IFRD1: variants seen among roughly 807,000 people sequenced by gnomAD.
The protein encoded by IFRD1 is interferon-related developmental regulator 1.
A neutral mutation model predicts 52.9 loss-of-function variants in IFRD1; 35 were observed. That is an observed-to-expected ratio of 0.66 (90% CI 0.51 to 0.88). The LOEUF is 0.88. IFRD1 is among the 40% of genes least tolerant of loss of function. IFRD1 has a pLI of 0.00. For missense variants in IFRD1, 517 were observed against 550.8 expected (o/e 0.94, Z 0.61); for synonymous variants, 184 against 188.4 (o/e 0.98, Z 0.19).
chr7:112,461,884 GT>G lies in IFRD1; in HGVS notation c.589del (p.Cys197AlafsTer56). The G allele has an allele frequency of 6.3e-7, 1 of 1,599,074 alleles. No individual in the cohort carries two copies. Among genetic ancestry groups the G allele is most frequent in the Non-Finnish European group, 8.6e-7 (1 of 1,168,024 alleles). ...ARQTCATCFG[V>X]CCFIATDDIT... ...TTTTTAGTGTGCAACTTGCTTTGGT[GT>G]TTGCTGTTTTATTGCCACAGATGAC... On this transcript the variant is annotated frameshift_variant, in exon 6 of 12. Transcript: ENST00000403825. LOFTEE classifies it high-confidence loss of function.
At chr7:112,423,446 C>T (rs888694581) in intron 1 of IFRD1, 1 of 152,174 alleles carries the variant, frequency 6.6e-6, no homozygotes, top group African/African-American at 2.4e-5. Context: ...GGTATTATCT[C>T]CATTTGCATA....
chr7:112,430,301 T>C (rs1794521108), intron 1 of IFRD1, among the ~76,000 whole-genome samples: 1 of 152,218 alleles, frequency 6.6e-6, no homozygotes, highest in Admixed American at 6.6e-5. Flanking sequence ...ATTGTTGTGG[T>C]ACTTCAGGGA....
intron 1 of IFRD1, among the ~76,000 whole-genome samples, chr7:112,439,222 C>T (rs1055799727): frequency 1.3e-5 from 2 of 152,180 alleles, no homozygotes; most frequent in Non-Finnish European, 2.9e-5. Context: ...GCCCTATGTT[C>T]GTACATTGTA....
At chr7:112,454,480 A>G (rs867997810) in intron 1 of IFRD1, among the ~76,000 whole-genome samples, 1 of 152,136 alleles carries the variant, frequency 6.6e-6, no homozygotes, top group South Asian at 2.1e-4. Flanking sequence ...AGTGTGAGCC[A>G]CCGCACCCGG....
chr7:112,471,423 A>G (rs76240663), intron 9 of IFRD1, among the ~76,000 whole-genome samples: 12,025 of 152,240 alleles, frequency 0.079, 513 homozygotes, highest in South Asian at 0.11. Context: ...TCTGGAAGGC[A>G]GGTGGAGTGG....
At chr7:112,440,615 A>G (rs1018905654) in intron 1 of IFRD1, among the ~76,000 whole-genome samples, 1 of 152,150 alleles carries the variant, frequency 6.6e-6, no homozygotes, top group Non-Finnish European at 1.5e-5. Context: ...AGGTGCTAAC[A>G]TGCCTCCAAA....
intron 11 of IFRD1, among the ~76,000 whole-genome samples, chr7:112,473,752 A>AT (rs200183430): frequency 0.015 from 2,287 of 151,326 alleles, 29 homozygotes; most frequent in Non-Finnish European, 0.025. Context: ...TAATTTATGT[A>AT]TTTTTTTTTG....
At chr7:112,450,838 C>G (rs1387479825) in intron 1 of IFRD1, 56 bp downstream of exon 1, 1 of 1,225,776 alleles carries the variant, frequency 8.2e-7, no homozygotes, top group East Asian at 2.3e-5. Context: ...GGCGAGTCTT[C>G]CATGCTTCGG....
In IFRD1 at chr7:112,475,935, A is replaced by C. The variant is rs182862360; in HGVS notation, c.*416A>C. 1.5e-4 allele frequency: 25 copies of C among 167,130 alleles called. No individual in the cohort carries two copies. In the East Asian group the frequency reaches 2.1e-3, roughly 14 times the overall value. The allele number at this position is 167,130 out of a possible 1,614,324, so 10.4% of individuals were successfully genotyped here. A position where few individuals can be genotyped will look rare whatever the true frequency, so the allele number is the denominator to read the frequency against. The stretch of plus-strand genomic sequence containing the variant: ...ATTTTGGGATCTAGTTCCCCTGGAA[A>C]AGCTGCTGTATTTTTAATTTTTAAT... On this transcript the variant is annotated 3_prime_UTR_variant, in exon 12 of 12. Transcript: ENST00000403825.
chr7:112,473,817 C>T (rs1795825465), intron 11 of IFRD1, among the ~76,000 whole-genome samples: 1 of 152,062 alleles, frequency 6.6e-6, no homozygotes, highest in African/African-American at 2.4e-5. Context: ...TTCAGTGGCA[C>T]TTATTACATT....
At chr7:112,430,183 T>C (rs1370225248) in intron 1 of IFRD1, among the ~76,000 whole-genome samples, 1 of 152,224 alleles carries the variant, frequency 6.6e-6, no homozygotes, top group Non-Finnish European at 1.5e-5. Context: ...ATCAGCAACG[T>C]AGAAAAGATG....
chr7:112,443,651 C>G (rs2117264470), intron 1 of IFRD1, among the ~76,000 whole-genome samples: 1 of 151,936 alleles, frequency 6.6e-6, no homozygotes, highest in East Asian at 1.9e-4. Flanking sequence ...GTGTGTGGAC[C>G]ACTTGTCAGG....
intron 11 of IFRD1, among the ~76,000 whole-genome samples, chr7:112,473,385 T>TA (rs1407048528): frequency 6.6e-6 from 1 of 152,086 alleles, no homozygotes; most frequent in African/African-American, 2.4e-5. Context: ...TGAGGAAACT[T>TA]AAGAGAGTTA....
intron 8 of IFRD1, among the ~76,000 whole-genome samples, chr7:112,463,851 TATACACAC>T (rs1204605568): frequency 6.3e-4 from 17 of 26,932 alleles, no homozygotes; most frequent in Admixed American, 3.3e-3. Flanking sequence ...TACACATTTA[TATACACAC>T]ACACACACAC....
In IFRD1 at chr7:112,476,755, TTAAAA is replaced by T. The variant is rs1430349710; in HGVS notation, c.*1239_*1243del. 1 of 152,238 alleles carries T rather than the reference TTAAAA, an allele frequency of 6.6e-6. No homozygotes were observed. Among genetic ancestry groups the T allele is most frequent in the African/African-American group, 2.4e-5 (1 of 41,456 alleles). The allele number at this position is 152,238 out of a possible 1,614,324, so 9.4% of individuals were successfully genotyped here. On this transcript the variant is annotated 3_prime_UTR_variant, in exon 12 of 12. Coordinates refer to ENST00000403825, the MANE Select transcript of IFRD1 (RefSeq NM_001550.4). Reference sequence around the variant, plus strand: ...ACGTTAACATTTAATAAACTTTAGATTAAAATATATAGTGCAAGCAACATGCCATT... The same window carrying T: ...ACGTTAACATTTAATAAACTTTAGATTATATAGTGCAAGCAACATGCCATT...
At chr7:112,443,877 A>C (rs1355559991) in intron 1 of IFRD1, among the ~76,000 whole-genome samples, 1 of 149,554 alleles carries the variant, frequency 6.7e-6, no homozygotes, top group African/African-American at 2.5e-5. Flanking sequence ...AAAAAAAAAA[A>C]CCCAAAAAAC....
chr7:112,444,910 G>A (rs1006473379), intron 1 of IFRD1, among the ~76,000 whole-genome samples: 39 of 151,988 alleles, frequency 2.6e-4, no homozygotes, highest in African/African-American at 9.2e-4. Context: ...ATATAACCAT[G>A]TAACAAACCT....
Position 112,429,872 on chromosome 7 carries a change from C to G in IFRD1, c.-182+6440C>G, listed in dbSNP as rs535674600. Among the ~76,000 whole-genome samples the G allele has an allele frequency of 2.0e-5, 3 of 152,266 alleles. No homozygotes were observed. The South Asian group carries it at 6.2e-4, about 32-fold the overall frequency. Reference sequence around the variant, plus strand: ...CAGTTTTTCTTATAAGAGCATAACTCATGAGAAAAGTTGTTATATAAATAA... The same window carrying G: ...CAGTTTTTCTTATAAGAGCATAACTGATGAGAAAAGTTGTTATATAAATAA... On this transcript the variant is annotated intron_variant, in intron 1 of 12. Coordinates refer to the IFRD1 transcript ENST00000005558.
At chr7:112,459,158 G>T (rs1252240113) in intron 5 of IFRD1, 140 bp downstream of exon 5, 1 of 729,892 alleles carries the variant, frequency 1.4e-6, no homozygotes, top group African/African-American at 1.7e-5. Flanking sequence ...AGGCAGCGGT[G>T]AGCTATAATC....
Sources: allele counts gnomAD v4.1 joint callset (sites outside exome capture counted in the v4.1 genomes callset), GRCh38; gene constraint gnomAD v4.1.1; transcripts MANE v1.5; gene names NCBI Gene and HGNC (gene_info 2026-07-23, HGNC 2026-07-21).